KRT78: variants seen among roughly 807,000 people sequenced by gnomAD.
The protein encoded by KRT78 is keratin, type II cytoskeletal 78.
Under a neutral mutation model 51.4 loss-of-function variants are expected in KRT78, and 55 were observed. That is an observed-to-expected ratio of 1.07 (90% confidence interval 0.86 to 1.34). KRT78 has a LOEUF of 1.34. Among genes scored for constraint, KRT78 ranks in the 40% most tolerant of loss-of-function variants. The probability of loss-of-function intolerance (pLI) is 0.00; values close to 1 mark genes in which losing one functional copy is unlikely to be tolerated. For missense variants in KRT78, 652 were observed against 649.4 expected (o/e 1.00, Z -0.04); for synonymous variants, 291 against 264.3 (o/e 1.10, Z -0.98).
At chr12:52,843,890 G>C (rs911010364) in intron 6 of KRT78, among the ~76,000 whole-genome samples, 1 of 152,220 alleles carries the variant, frequency 6.6e-6, no homozygotes, top group South Asian at 2.1e-4. Context: ...CATGTGGCTA[G>C]AAGTCACAGC....
intron 2 of KRT78, 56 bp from the exon 3 acceptor site, chr12:52,846,880 C>T: frequency 7.3e-7 from 1 of 1,374,658 alleles, no homozygotes; most frequent in Non-Finnish European, 1.0e-6. Context: ...GAGCTCATGC[C>T]CCCATGTCCG....
In KRT78 at chr12:52,848,028, G is replaced by T; in HGVS notation, c.478C>A (p.Pro160Thr). The T allele has an allele frequency of 4.3e-6, 7 of 1,614,186 alleles. No individual in the cohort carries two copies. Among genetic ancestry groups the T allele is most frequent in the Non-Finnish European group, 5.9e-6 (7 of 1,180,020 alleles). ...GLSGSQQGLEPVFEACLDQLR... is the reference protein window; with the variant it reads ...GLSGSQQGLETVFEACLDQLR... ...TGATCCAGGCAGGCCTCAAAGACAG[G>T]CTCCAGGCCCTGCTGGCTGCCACTC... The change falls in exon 2 of 9, where the codon CCT becomes ACT. Residue 160 changes from proline to threonine, a missense_variant. By Grantham distance (38) the Pro-to-Thr change is conservative (BLOSUM62 -1). Transcript: ENST00000304620.
Position 52,843,702 on chromosome 12 carries a change from A to G in KRT78, c.1047+391T>C, listed in dbSNP as rs182807411. ...AGACTCTGTCTCAAAAAAAAAAAAAAAAAGAAAAAGAAAAAGAAAAGAAAA... is the reference window on the plus strand; with the variant it reads ...AGACTCTGTCTCAAAAAAAAAAAAAGAAAGAAAAAGAAAAAGAAAAGAAAA... On this transcript the variant is annotated intron_variant, in intron 6 of 8. Coordinates refer to ENST00000304620, the MANE Select transcript of KRT78 (RefSeq NM_173352.4). 8.0e-3 allele frequency among the ~76,000 whole-genome samples: 1,203 copies of G among 151,174 alleles called. 10 individuals carry two copies. The highest frequency in any genetic ancestry group is 0.013 in the South Asian group (62 of 4,760).
At chr12:52,842,149 A>T (rs984387338) in intron 6 of KRT78, among the ~76,000 whole-genome samples, 1 of 139,370 alleles carries the variant, frequency 7.2e-6, no homozygotes, top group African/African-American at 3.2e-5. Context: ...TGCAAACAAG[A>T]ACCAGGAGGA....
Position 52,848,094 on chromosome 12 carries a change from C to T in KRT78, c.412G>A (p.Val138Ile), listed in dbSNP as rs1395525814. Residue 138 changes from valine (V) to isoleucine (I), a missense_variant, in exon 2 of 9, where the codon GTC becomes ATC. Coordinates refer to ENST00000304620, the MANE Select transcript of KRT78 (RefSeq NM_173352.4). ...KVRFLEQQNK[V>I]LETKWHLLQQ... Reference sequence around the variant, plus strand: ...AGCAGATGCCACTTCGTCTCCAGGACCTTGTTCTGCTGCTCCAGGAACCGC... The same window carrying T: ...AGCAGATGCCACTTCGTCTCCAGGATCTTGTTCTGCTGCTCCAGGAACCGC... The T allele has an allele frequency of 2.5e-6, 4 of 1,614,004 alleles. No homozygotes were observed. Among genetic ancestry groups the T allele is most frequent in the African/African-American group, 1.3e-5 (1 of 74,888 alleles).
chr12:52,847,903 C>T lies in KRT78; in HGVS notation c.599+4G>A, dbSNP rs781769169. The T allele has an allele frequency of 2.5e-6, 4 of 1,613,708 alleles. No individual in the cohort carries two copies. The highest frequency in any genetic ancestry group is 2.2e-5 in the South Asian group (2 of 91,066). ...ATGGCATGGGGAAATTTCAGTGTGC[C>T]TACTTGGACTTATACTCCTCCTCCT... On this transcript the variant is annotated splice_donor_region_variant and intron_variant, in intron 2 of 8. Coordinates refer to ENST00000304620, the MANE Select transcript of KRT78 (RefSeq NM_173352.4).
Position 52,844,076 on chromosome 12 carries a change from G to T in KRT78, c.1047+17C>A, listed in dbSNP as rs771427409. On this transcript the variant is annotated intron_variant, in intron 6 of 8. Transcript: ENST00000304620. ...CAAAGGCAATGAGAGGACATTTGGG[G>T]GTCTCTGGGAATCTACCTGCTTCTT... The T allele has an allele frequency of 4.7e-5, 75 of 1,611,618 alleles. No homozygotes were observed. Among genetic ancestry groups the T allele is most frequent in the Non-Finnish European group, 6.2e-5 (73 of 1,179,238 alleles).
Position 52,839,882 on chromosome 12 carries a change from TC to T in KRT78, c.1149del (p.Met384TrpfsTer16). 1 of 1,613,992 alleles carries T rather than the reference TC, an allele frequency of 6.2e-7. No individual in the cohort carries two copies. Among genetic ancestry groups the T allele is most frequent in the Non-Finnish European group, 8.5e-7 (1 of 1,179,994 alleles). On this transcript the variant is annotated frameshift_variant, in exon 7 of 9. Coordinates refer to ENST00000304620, the MANE Select transcript of KRT78 (RefSeq NM_173352.4). LOFTEE classifies it high-confidence loss of function. The part of the protein sequence containing the change: ...AKVDELEAAL[R>X]MAKQNLARLL... The stretch of plus-strand genomic sequence containing the variant: ...AGCCGGGCCAGGTTCTGCTTGGCCA[TC>T]CTCAGAGCAGCCTCCAGCTCGTCCA...
Position 52,839,775 on chromosome 12 carries a change from G to T in KRT78, c.1257C>A (p.Gly419=). 9.9e-6 allele frequency: 16 copies of T among 1,613,776 alleles called. No homozygotes were observed. Among genetic ancestry groups the T allele is most frequent in the Non-Finnish European group, 1.4e-5 (16 of 1,179,956 alleles). The change falls in exon 7 of 9, where the codon GGC becomes GGA. Residue 419 remains glycine (G), a synonymous_variant. Transcript: ENST00000304620. ...CAAGCCTCCCTCACCTGCACTCCTC[G>T]CCCTCCAGCAGCCTGCGGTAAGTGG... ...EIATYRRLLE[G]EECRMSGECT...
chr12:52,846,474 C>A (rs531893922), intron 3 of KRT78, among the ~76,000 whole-genome samples, 182 bp from the exon 4 acceptor site: 1 of 152,310 alleles, frequency 6.6e-6, no homozygotes, highest in South Asian at 2.1e-4. Context: ...GACCCAACAT[C>A]ACCTTCAGGA....
chr12:52,844,048 G>A (rs1178256485), intron 6 of KRT78, 45 bp downstream of exon 6: 12 of 1,604,594 alleles, frequency 7.5e-6, no homozygotes, highest in Non-Finnish European at 9.3e-6. Flanking sequence ...TGAGTTGAAG[G>A]CACAAAGGCA....
Position 52,846,272 on chromosome 12 carries a change from C to G in KRT78, c.681G>C (p.Leu227=), listed in dbSNP as rs780455090. The change falls in exon 4 of 9, where the codon CTG becomes CTC. Residue 227 remains leucine, a synonymous_variant. Transcript: ENST00000304620. ...VLKKDVDGVF[L]SKMELEGKLE... is the part of the protein sequence containing the mutation. ...GCTTGCCCTCCAACTCCATCTTGCT[C>G]AGGAAAACCCCATCCACATCCTGGA... 1 of 1,613,216 alleles carries G rather than the reference C, an allele frequency of 6.2e-7. No homozygotes were observed. The highest frequency in any genetic ancestry group is 1.1e-5 in the South Asian group (1 of 91,062).
Position 52,846,818 on chromosome 12 carries a change from C to T in KRT78, c.606G>A (p.Glu202=), listed in dbSNP as rs369823678. The change falls in exon 3 of 9, where the codon GAG becomes GAA. Residue 202 remains glutamate (E), a synonymous_variant. Coordinates refer to ENST00000304620, the MANE Select transcript of KRT78 (RefSeq NM_173352.4). ...GTGTGGCACGCCTGTGGGCCTCCTC[C>T]TCATACCTGCCAAATAAGTAGAGAA... is the stretch of plus-strand genomic sequence containing the variant. ...DQEEEYKSKY[E]EEAHRRATLE... The T allele has an allele frequency of 1.2e-6, 2 of 1,613,446 alleles. No individual in the cohort carries two copies. The highest frequency in any genetic ancestry group is 1.7e-6 in the Non-Finnish European group (2 of 1,179,558).
Position 52,844,871 on chromosome 12 carries a change from G to A in KRT78, c.757-148C>T, listed in dbSNP as rs1940604528. 7.9e-6 allele frequency: 5 copies of A among 633,786 alleles called. No individual in the cohort carries two copies. The East Asian group carries it at 1.5e-4, about 19-fold the overall frequency. 39.3% of individuals were successfully genotyped at this position (633,786 alleles called of 1,614,324 possible). On this transcript the variant is annotated intron_variant, in intron 4 of 8. Transcript: ENST00000304620. ...GCTTTGAGTATGCCCTGCTCACCAT[G>A]GGACTCGATCTCCTCATTCAAAAAT...
intron 4 of KRT78, 88 bp downstream of exon 4, chr12:52,846,109 C>T: frequency 1.2e-6 from 1 of 839,902 alleles, no homozygotes; most frequent in East Asian, 2.5e-5. Flanking sequence ...ACAGACTTCC[C>T]CTCTTGGCCA....
At position 52,844,177 on chromosome 12, in the gene KRT78, C is replaced by T. The variant is rs747348632; in HGVS notation, c.963G>A (p.Arg321=). 1.2e-6 allele frequency: 2 copies of T among 1,611,324 alleles called. No individual in the cohort carries two copies. Among genetic ancestry groups the T allele is most frequent in the Admixed American group, 1.7e-5 (1 of 59,052 alleles). The change falls in exon 6 of 9, where the codon AGG becomes AGA. Residue 321 remains arginine, a synonymous_variant. Coordinates refer to ENST00000304620, the MANE Select transcript of KRT78 (RefSeq NM_173352.4). The part of the protein sequence containing the change: ...LQVSAQLHGD[R]MQETKVQISQ... The stretch of plus-strand genomic sequence containing the variant: ...AGATCTGGACTTTCGTTTCCTGCAT[C>T]CTGTCCCCATGAAGCTGGGCAGACA...
rs1478441066 is a variant in KRT78 at position 52,844,118 on chromosome 12, C to T, written c.1022G>A (p.Ser341Asn). 6.2e-7 allele frequency: 1 copy of T among 1,613,032 alleles called. No individual in the cohort carries two copies. The highest frequency in any genetic ancestry group is 1.1e-5 in the South Asian group (1 of 90,900). ...QLHQEIQRLQ[S>N]QTENLKKQNA... ...CTGCTTCTTGAGGTTCTCAGTCTGA[C>T]TCTGCAGCCTCTGAATCTCTTGGTG... is the stretch of plus-strand genomic sequence containing the variant. Residue 341 changes from serine (S) to asparagine (N), a missense_variant, in exon 6 of 9, where the codon AGT becomes AAT. By Grantham distance (46) the Ser-to-Asn change is conservative. Coordinates refer to ENST00000304620, the MANE Select transcript of KRT78 (RefSeq NM_173352.4).
Position 52,844,673 on chromosome 12 carries a change from G to T in KRT78, c.807C>A (p.Ser269=). Residue 269 remains serine (S), a synonymous_variant, in exon 5 of 9, where the codon TCC becomes TCA. Coordinates refer to ENST00000304620, the MANE Select transcript of KRT78 (RefSeq NM_173352.4). ...AGTCCAGGTAGCGGTTGTTGTCCAT[G>T]GACAGCACCACAGACGTGTCGCTGG... is the stretch of plus-strand genomic sequence containing the variant. ...TQASDTSVVL[S]MDNNRYLDFS... is the part of the protein sequence containing the mutation. The T allele has an allele frequency of 1.2e-6, 2 of 1,614,074 alleles. No homozygotes were observed. The highest frequency in any genetic ancestry group is 1.7e-6 in the Non-Finnish European group (2 of 1,179,982).
At chr12:52,843,689 A>C (rs1178841857) in intron 6 of KRT78, among the ~76,000 whole-genome samples, 15 of 118,790 alleles carry the variant, frequency 1.3e-4, no homozygotes, top group African/African-American at 6.4e-4. Context: ...ACTCTGTCTC[A>C]AAAAAAAAAA....
Sources: gnomAD v4.1 joint callset for allele counts (sites outside exome capture counted in the v4.1 genomes callset) on GRCh38, gnomAD v4.1.1 for gene constraint, MANE v1.5 for transcripts, NCBI Gene and HGNC (gene_info 2026-07-23, HGNC 2026-07-21) for gene names.